Variants in VIRMA observed in about 807,000 individuals in gnomAD.
The protein encoded by VIRMA is vir like m6A methyltransferase associated.
A neutral mutation model predicts 182.4 loss-of-function variants in VIRMA; 65 were observed. The ratio of observed to expected loss-of-function variants is 0.36; its 90% CI spans 0.29 to 0.44. The LOEUF (loss-of-function observed/expected upper bound fraction) is 0.44, where lower values mean the gene tolerates loss of function less well. VIRMA is among the 20% of genes least tolerant of loss of function. VIRMA has a pLI of 1.00. For missense variants in VIRMA, 1,752 were observed against 2,158.1 expected (o/e 0.81, Z 3.73); for synonymous variants, 709 against 743.1 (o/e 0.95, Z 0.75).
At chr8:94,535,126 CA>C in intron 4 of VIRMA, 119 bp from the exon 5 acceptor site, 2 of 1,418,510 alleles carry the variant, frequency 1.4e-6, no homozygotes, top group Non-Finnish European at 1.9e-6. Context: ...GCTGAAAATG[CA>C]AAGTCAACAC....
chr8:94,502,273 G>A (rs1177678522), intron 16 of VIRMA, among the ~76,000 whole-genome samples: 1 of 151,984 alleles, frequency 6.6e-6, no homozygotes, highest in Non-Finnish European at 1.5e-5. Flanking sequence ...GGGAGGCGAA[G>A]GCTGCAGTGA....
rs1434290779 is a variant in VIRMA, at chr8:94,542,760, C to G, written c.179+1067G>C. ...ATCCTTCACTATAAACATTAAAGATCTTTCTTGTGTATCTTTTAATTTTTG... is the reference window on the plus strand; with the variant it reads ...ATCCTTCACTATAAACATTAAAGATGTTTCTTGTGTATCTTTTAATTTTTG... On this transcript the variant is annotated intron_variant, in intron 2 of 23. Coordinates refer to ENST00000297591, the MANE Select transcript of VIRMA (RefSeq NM_015496.5). Among the ~76,000 whole-genome samples the G allele has an allele frequency of 2.6e-5, 4 of 152,152 alleles. No homozygotes were observed. The East Asian group carries it at 7.7e-4, about 29-fold the overall frequency.
At chr8:94,541,457 G>T (rs552367216) in intron 2 of VIRMA, among the ~76,000 whole-genome samples, 1 of 152,192 alleles carries the variant, frequency 6.6e-6, no homozygotes, top group Admixed American at 6.5e-5. Flanking sequence ...ATTTTATAAT[G>T]AGAAAAAACA....
Position 94,538,623 on chromosome 8 carries a change from G to A in VIRMA, c.180-277C>T, listed in dbSNP as rs552092074. 1.6e-3 allele frequency among the ~76,000 whole-genome samples: 249 copies of A among 151,190 alleles called. 1 individual carries two copies. Among genetic ancestry groups the A allele is most frequent in the Non-Finnish European group, 3.7e-4 (25 of 67,782 alleles). ...ATCACTATTCATTTTTTTTTGAGAC[G>A]GTGTTACAGAGTTTCGCTCTTGTTA... On this transcript the variant is annotated intron_variant, in intron 2 of 23. Transcript: ENST00000297591.
chr8:94,500,354 G>A (rs1296556553), intron 16 of VIRMA, among the ~76,000 whole-genome samples: 1 of 152,202 alleles, frequency 6.6e-6, no homozygotes, highest in Non-Finnish European at 1.5e-5. Flanking sequence ...AGCCGAGATT[G>A]TGCCACTGCA....
intron 1 of VIRMA, among the ~76,000 whole-genome samples, chr8:94,544,936 C>G (rs776837208): frequency 2.0e-5 from 3 of 151,640 alleles, no homozygotes; most frequent in Non-Finnish European, 4.4e-5. Context: ...AATTAAAAAA[C>G]AAAACAAAAC....
At chr8:94,538,160 T>C in intron 3 of VIRMA, 100 bp downstream of exon 3, 1 of 805,858 alleles carries the variant, frequency 1.2e-6, no homozygotes, top group South Asian at 1.5e-5. Context: ...TTCTTGGGTC[T>C]ACCAGCAGAT....
chr8:94,541,440 T>C (rs531005431), intron 2 of VIRMA, among the ~76,000 whole-genome samples: 7 of 152,260 alleles, frequency 4.6e-5, no homozygotes, highest in African/African-American at 1.7e-4. Context: ...TATCTAAGCA[T>C]TTCTAAATTT....
At chr8:94,512,144 C>A in intron 11 of VIRMA, 55 bp from the exon 12 acceptor site, 1 of 737,660 alleles carries the variant, frequency 1.4e-6, no homozygotes, top group South Asian at 3.9e-5. Context: ...ATGAGATCAA[C>A]AGAAAATTCC....
At chr8:94,541,468 CTA>C (rs1339870600) in intron 2 of VIRMA, among the ~76,000 whole-genome samples, 1 of 152,112 alleles carries the variant, frequency 6.6e-6, no homozygotes, top group Non-Finnish European at 1.5e-5. Context: ...AGAAAAAACA[CTA>C]TTATAAAGTA....
At chr8:94,547,432 A>G (rs1815807044) in intron 1 of VIRMA, among the ~76,000 whole-genome samples, 1 of 151,060 alleles carries the variant, frequency 6.6e-6, no homozygotes, top group Admixed American at 6.6e-5. Flanking sequence ...AGGTCACAGC[A>G]TAACTGTTTC....
In VIRMA at chr8:94,526,870, A is replaced by C. The variant is rs1207182809; in HGVS notation, c.1374T>G (p.Ala458=). 3 of 1,614,102 alleles carry C rather than the reference A, an allele frequency of 1.9e-6. No homozygotes were observed. Among genetic ancestry groups the C allele is most frequent in the Admixed American group, 3.3e-5 (2 of 60,004 alleles). Residue 458 remains alanine (A), a synonymous_variant, in exon 8 of 24, where the codon GCT becomes GCG. Transcript: ENST00000297591. ...PIALNVRQLK[A]GTKLVSSLAE... ...CTAGTGAGGACACTAATTTGGTCCC[A>C]GCTTTGAGCTGTCGAACATTTAAGG... is the stretch of plus-strand genomic sequence containing the variant.
At position 94,512,002 on chromosome 8, in the gene VIRMA, C is replaced by G; in HGVS notation, c.2839G>C (p.Val947Leu). 12 of 1,518,480 alleles carry G rather than the reference C, an allele frequency of 7.9e-6. No individual in the cohort carries two copies. Among genetic ancestry groups the G allele is most frequent in the Non-Finnish European group, 1.1e-5 (12 of 1,129,042 alleles). The allele number at this position is 1,518,480 out of a possible 1,614,324, so 94.1% of individuals were successfully genotyped here. A position where few individuals can be genotyped will look rare whatever the true frequency, so the allele number is the denominator to read the frequency against. The change falls in exon 12 of 24, where the codon GTT (valine) becomes CTT (leucine). Residue 947 changes from valine (V) to leucine (L), a missense_variant. Physicochemically the swap from Val to Leu is conservative, Grantham distance 32. Around this residue, in one of 11 missense-constraint regions of VIRMA, gnomAD observed 777 missense variants for 920.6 expected, o/e 0.84. Coordinates refer to ENST00000297591, the MANE Select transcript of VIRMA (RefSeq NM_015496.5). Reference sequence around the variant, plus strand: ...AATACAGTAGCCACATTACCTTCAACAGGAGGTGGTGGGCATGCAACATTA... The same window carrying G: ...AATACAGTAGCCACATTACCTTCAAGAGGAGGTGGTGGGCATGCAACATTA... ...LCNVACPPPP[V>L]EGQQKDLKWN...
intron 1 of VIRMA, among the ~76,000 whole-genome samples, chr8:94,552,558 G>A (rs1475653272): frequency 3.3e-5 from 5 of 151,898 alleles, no homozygotes; most frequent in Admixed American, 6.6e-5. Flanking sequence ...ACAGAAAAAT[G>A]TGAAGTTCGT....
intron 8 of VIRMA, among the ~76,000 whole-genome samples, chr8:94,519,976 C>G (rs1186790785): frequency 6.6e-6 from 1 of 151,778 alleles, no homozygotes; most frequent in Non-Finnish European, 1.5e-5. Flanking sequence ...TTTGGGAGGC[C>G]GAGGCAGGCA....
At chr8:94,550,290 A>ATTTTTTTTTTTTTTTTT (rs11356608) in intron 1 of VIRMA, among the ~76,000 whole-genome samples, 1 of 143,096 alleles carries the variant, frequency 7.0e-6, no homozygotes. Flanking sequence ...TCTCTGAACC[A>ATTTTTTTTTTTTTTTTT]TTTTTTTTTT....
Position 94,527,069 on chromosome 8 carries a change from T to C in VIRMA, c.1175A>G (p.Tyr392Cys), listed in dbSNP as rs775743550. 5 of 1,614,224 alleles carry C rather than the reference T, an allele frequency of 3.1e-6. No individual in the cohort carries two copies. The highest frequency in any genetic ancestry group is 2.2e-5 in the East Asian group (1 of 44,892). Reference sequence around the variant, plus strand: ...CCATTTTGCACCTCTATCTTCTCTATACAAATCTAAGAGTTCTGTTAACTT... The same window carrying C: ...CCATTTTGCACCTCTATCTTCTCTACACAAATCTAAGAGTTCTGTTAACTT... ...SVKLTELLDL[Y>C]REDRGAKWVT... The change falls in exon 8 of 24, where the codon TAT becomes TGT. Residue 392 changes from tyrosine (Y) to cysteine (C), a missense_variant. Coordinates refer to ENST00000297591, the MANE Select transcript of VIRMA (RefSeq NM_015496.5).
chr8:94,544,070 A>C (rs550447064), intron 1 of VIRMA, 128 bp from the exon 2 acceptor site: 3 of 578,350 alleles, frequency 5.2e-6, no homozygotes, highest in Non-Finnish European at 9.3e-6. Context: ...AATATCATTA[A>C]ATATATTATT....
Position 94,543,916 on chromosome 8 carries a change from A to G in VIRMA, c.90T>C (p.Arg30=), listed in dbSNP as rs1457780578. 6.2e-7 allele frequency: 1 copy of G among 1,611,662 alleles called. No homozygotes were observed. Among genetic ancestry groups the G allele is most frequent in the East Asian group, 2.2e-5 (1 of 44,810 alleles). ...AEQSSHIDVV[R]FPCVVYINEV... ...CATTGATATAAACCACACATGGAAA[A>G]CGAACCACATCTATATGAGAACTTT... Residue 30 remains arginine, a synonymous_variant, in exon 2 of 24, where the codon CGT becomes CGC. Coordinates refer to ENST00000297591, the MANE Select transcript of VIRMA (RefSeq NM_015496.5).
Sources: gnomAD v4.1 joint callset for allele counts (sites outside exome capture counted in the v4.1 genomes callset) on GRCh38, gnomAD v4.1.1 for gene constraint, gnomAD v4.1.1 regional missense constraint, MANE v1.5 for transcripts, NCBI Gene and HGNC (gene_info 2026-07-23, HGNC 2026-07-21) for gene names.